Variants in TNKS2 observed in about 807,000 individuals in gnomAD.
TNKS2 encodes poly [ADP-ribose] polymerase tankyrase-2.
Under a neutral mutation model 137.6 loss-of-function variants are expected in TNKS2, and 72 were observed. The observed-to-expected ratio is 0.52, with a 90% confidence interval of 0.43 to 0.64. The LOEUF is 0.64. Among genes scored for constraint, TNKS2 ranks in the 30% least tolerant of loss-of-function variants. TNKS2 has a pLI of 0.00. For missense variants in TNKS2, 1,049 were observed against 1,410.2 expected (o/e 0.74, Z 4.10); for synonymous variants, 516 against 512.1 (o/e 1.01, Z -0.10).
At chr10:91,810,888 T>C (rs1844474408) in intron 1 of TNKS2, among the ~76,000 whole-genome samples, 2 of 109,518 alleles carry the variant, frequency 1.8e-5, no homozygotes, top group Admixed American at 1.9e-4. Flanking sequence ...GTTTATTCTT[T>C]TCTTTTTTCT....
At chr10:91,861,864 TA>T (rs1250610587) in intron 25 of TNKS2, 134 bp from the exon 26 acceptor site, 2 of 720,758 alleles carry the variant, frequency 2.8e-6, no homozygotes, top group Non-Finnish European at 2.1e-6. Context: ...AAAGTTCTTT[TA>T]GGGGTGAAAT....
chr10:91,821,169 C>G lies in TNKS2; in HGVS notation c.729-1127C>G, dbSNP rs370016994. Among the ~76,000 whole-genome samples the G allele has an allele frequency of 1.2e-4, 19 of 152,268 alleles. 1 individual carries two copies. In the South Asian group the frequency reaches 3.5e-3, roughly 28 times the overall value. On this transcript the variant is annotated intron_variant, in intron 6 of 26. Coordinates refer to ENST00000371627, the MANE Select transcript of TNKS2 (RefSeq NM_025235.4). ...TCTCCTGCCTCAGGCTTCTGAGTAG[C>G]TGGGATTACAGGTGCACACCACCAC... is the stretch of plus-strand genomic sequence containing the variant.
chr10:91,848,562 G>T lies in TNKS2; in HGVS notation c.2538G>T (p.Gly846=), dbSNP rs1222985357. The T allele has an allele frequency of 1.2e-6, 2 of 1,614,042 alleles. No homozygotes were observed. Among genetic ancestry groups the T allele is most frequent in the Non-Finnish European group, 1.7e-6 (2 of 1,180,038 alleles). ...SAASSLDNLS[G]SFSELSSVVS... is the part of the protein sequence containing the mutation. The stretch of plus-strand genomic sequence containing the variant: ...CCAGCAGTCTTGACAACTTATCTGG[G>T]AGTTTTTCAGAACTGTCTTCAGTAG... The change falls in exon 19 of 27, where the codon GGG becomes GGT. Residue 846 remains glycine (G), a synonymous_variant. Transcript: ENST00000371627.
At chr10:91,828,926 C>T (rs10881978) in intron 9 of TNKS2, among the ~76,000 whole-genome samples, 1 of 151,064 alleles carries the variant, frequency 6.6e-6, no homozygotes, top group African/African-American at 2.4e-5. Context: ...AGAAGTCTAA[C>T]GAAAAACAGA....
At chr10:91,853,369 T>C (rs1328254120) in intron 21 of TNKS2, among the ~76,000 whole-genome samples, 1 of 152,234 alleles carries the variant, frequency 6.6e-6, no homozygotes, top group Non-Finnish European at 1.5e-5. Flanking sequence ...CAAAATGCTG[T>C]GTCTGATCTA....
intron 1 of TNKS2, among the ~76,000 whole-genome samples, chr10:91,809,173 A>G (rs951502147): frequency 2.6e-5 from 4 of 152,230 alleles, no homozygotes; most frequent in African/African-American, 7.2e-5. Context: ...CTTTAAAGAT[A>G]TATATTAGCA....
intron 3 of TNKS2, among the ~76,000 whole-genome samples, 178 bp downstream of exon 3, chr10:91,817,407 GCTTT>G (rs1844740569): frequency 6.6e-6 from 1 of 152,136 alleles, no homozygotes; most frequent in Admixed American, 6.6e-5. Flanking sequence ...GAAAAATAAA[GCTTT>G]CTTTTTATTT....
chr10:91,842,620 C>T (rs536897531), intron 16 of TNKS2, among the ~76,000 whole-genome samples: 1 of 152,008 alleles, frequency 6.6e-6, no homozygotes, highest in Admixed American at 6.5e-5. Flanking sequence ...TAAAAAATTA[C>T]AAAAATTAGC....
intron 21 of TNKS2, among the ~76,000 whole-genome samples, chr10:91,852,480 A>G (rs1045279839): frequency 5.9e-5 from 9 of 152,082 alleles, no homozygotes; most frequent in Admixed American, 3.9e-4. Context: ...GAATGGCGTG[A>G]ACCCGGGAGG....
At chr10:91,849,997 TTTG>T (rs1842493927) in intron 20 of TNKS2, among the ~76,000 whole-genome samples, 1 of 152,284 alleles carries the variant, frequency 6.6e-6, no homozygotes, top group Admixed American at 6.5e-5. Flanking sequence ...TTTACTGATT[TTTG>T]TTGTTGTTCA....
At chr10:91,846,455 G>A (rs1216564313) in intron 18 of TNKS2, among the ~76,000 whole-genome samples, 4 of 152,180 alleles carry the variant, frequency 2.6e-5, no homozygotes, top group Non-Finnish European at 4.4e-5. Context: ...ACTTTCCTGT[G>A]GAGGTCCTGT....
intron 12 of TNKS2, among the ~76,000 whole-genome samples, chr10:91,835,491 A>G (rs970830106): frequency 3.4e-5 from 5 of 148,366 alleles, no homozygotes; most frequent in South Asian, 2.1e-4. Context: ...GAGTTTCACT[A>G]TGTTGGCCAG....
chr10:91,850,644 G>T (rs1025812074), intron 20 of TNKS2, among the ~76,000 whole-genome samples: 1 of 151,982 alleles, frequency 6.6e-6, no homozygotes, highest in African/African-American at 2.4e-5. Flanking sequence ...GCTTGAACCC[G>T]GGAGGCAGAG....
intron 7 of TNKS2, among the ~76,000 whole-genome samples, chr10:91,823,963 T>C (rs1844989716): frequency 6.6e-6 from 1 of 152,228 alleles, no homozygotes; most frequent in African/African-American, 2.4e-5. Flanking sequence ...CTTTTGCTTC[T>C]TGTAAAACTG....
At chr10:91,851,686 TG>T (rs1433181330) in intron 21 of TNKS2, among the ~76,000 whole-genome samples, 5 of 152,204 alleles carry the variant, frequency 3.3e-5, no homozygotes, top group African/African-American at 1.2e-4. Context: ...ACATTTCTTA[TG>T]GTAATATAAT....
intron 1 of TNKS2, among the ~76,000 whole-genome samples, chr10:91,806,235 G>A (rs1844323478): frequency 6.6e-6 from 1 of 152,072 alleles, no homozygotes; most frequent in Non-Finnish European, 1.5e-5. Context: ...TTTAGGTGGT[G>A]AAATTTAGGA....
intron 24 of TNKS2, among the ~76,000 whole-genome samples, chr10:91,859,206 A>G (rs1045440395): frequency 2.0e-5 from 3 of 152,142 alleles, no homozygotes; most frequent in Non-Finnish European, 4.4e-5. Flanking sequence ...CTGATATTTC[A>G]AGTACTCTGT....
At chr10:91,860,264 C>T (rs1294445197) in intron 25 of TNKS2, among the ~76,000 whole-genome samples, 2 of 152,010 alleles carry the variant, frequency 1.3e-5, no homozygotes, top group Non-Finnish European at 2.9e-5. Flanking sequence ...AAAGTAATGC[C>T]ACTTGAAAAA....
chr10:91,862,372 T>C (rs1842874841), intron 26 of TNKS2, among the ~76,000 whole-genome samples: 1 of 152,218 alleles, frequency 6.6e-6, no homozygotes, highest in Non-Finnish European at 1.5e-5. Context: ...TTGTTCTCTT[T>C]TTTACTCTTA....
Sources: allele counts gnomAD v4.1 joint callset (sites outside exome capture counted in the v4.1 genomes callset), GRCh38; gene constraint gnomAD v4.1.1; transcripts MANE v1.5; gene names NCBI Gene and HGNC (gene_info 2026-07-23, HGNC 2026-07-21).